Variants in KIF5C observed in about 807,000 individuals in gnomAD.
The protein encoded by KIF5C is kinesin heavy chain isoform 5C.
Under a neutral mutation model 125.2 loss-of-function variants are expected in KIF5C, and 18 were observed. That is an observed-to-expected ratio of 0.14 (90% CI 0.10 to 0.21). The LOEUF is 0.21. Among genes scored for constraint, KIF5C ranks in the 10% least tolerant of loss-of-function variants. The pLI, the probability that KIF5C is intolerant of heterozygous loss-of-function variation, is 1.00. For synonymous variants in KIF5C, 405 were observed against 434.0 expected (o/e 0.93, Z 0.83); for missense variants, 780 against 1,183.8 (o/e 0.66, Z 5.01).
At chr2:148,969,422 AGTGTGTGTGTGT>A (rs151238332) in intron 11 of KIF5C, among the ~76,000 whole-genome samples, 3,036 of 141,368 alleles carry the variant, frequency 0.021, 93 homozygotes, top group African/African-American at 0.069. Flanking sequence ...GAAGGTTTCC[AGTGTGTGTGTGT>A]GTGTGTGTGT....
chr2:148,983,138 T>C (rs1458387073), intron 14 of KIF5C, among the ~76,000 whole-genome samples: 1 of 152,186 alleles, frequency 6.6e-6, no homozygotes, highest in Admixed American at 6.5e-5. Flanking sequence ...TCTAAACTTA[T>C]TAATGTTCTT....
At position 148,924,064 on chromosome 2, in the gene KIF5C, C is replaced by T. The variant is rs1681896269; in HGVS notation, c.217+1837C>T. On this transcript the variant is annotated intron_variant, in intron 2 of 25. Transcript: ENST00000435030. This position sits in a 1 kb window ranked among gnomAD's most constrained non-coding sequence, Gnocchi z 4.0. ...AATATGTATGATCATACATACATGC[C>T]TTATTCTCCCTTAAAAAGGAATTGA... Among the ~76,000 whole-genome samples the T allele has an allele frequency of 6.6e-6, 1 of 152,150 alleles. No individual in the cohort carries two copies. The highest frequency in any genetic ancestry group is 2.4e-5 in the African/African-American group (1 of 41,428).
At chr2:148,966,603 C>T (rs1208002458) in intron 11 of KIF5C, among the ~76,000 whole-genome samples, 1 of 152,104 alleles carries the variant, frequency 6.6e-6, no homozygotes, top group African/African-American at 2.4e-5. Flanking sequence ...GTTGCTCTCG[C>T]CCTCCCCCAC....
intron 3 of KIF5C, among the ~76,000 whole-genome samples, chr2:148,937,033 A>C (rs1312212771): frequency 6.6e-6 from 1 of 152,164 alleles, no homozygotes; most frequent in Non-Finnish European, 1.5e-5. Flanking sequence ...AGCTGGAGGC[A>C]ATAATGTGGG....
Position 149,023,419 on chromosome 2 carries a change from C to G in KIF5C, c.*349C>G, listed in dbSNP as rs1413007578. On this transcript the variant is annotated 3_prime_UTR_variant, in exon 26 of 26. Transcript: ENST00000435030. ...ATCTGTACGCCCTAATGTGCCATTC[C>G]CTAGAGGGGAACAACCAAGTGCCGT... is the stretch of plus-strand genomic sequence containing the variant. 6.6e-6 allele frequency: 1 copy of G among 152,544 alleles called. No homozygotes were observed. The highest frequency in any genetic ancestry group is 1.5e-5 in the Non-Finnish European group (1 of 68,030). The allele number at this position is 152,544 out of a possible 1,614,324, so 9.4% of individuals were successfully genotyped here.
At chr2:148,996,022 G>T (rs902812162) in intron 17 of KIF5C, among the ~76,000 whole-genome samples, 1 of 152,148 alleles carries the variant, frequency 6.6e-6, no homozygotes, top group African/African-American at 2.4e-5. Flanking sequence ...GGGTGTGGTG[G>T]CACACGCCTG....
At chr2:148,923,539 TTC>T (rs1467562766) in intron 2 of KIF5C, among the ~76,000 whole-genome samples, 1 of 152,180 alleles carries the variant, frequency 6.6e-6, no homozygotes, top group African/African-American at 2.4e-5. Flanking sequence ...TAAACATGTT[TTC>T]TCTGTTTTTG....
rs1558866671 is a variant in KIF5C at position 148,875,591 on chromosome 2, C to G, written c.-27C>G. On this transcript the variant is annotated 5_prime_UTR_variant, in exon 1 of 26. Transcript: ENST00000435030. ...CCGGCCCCGGCCCCCCACCCATCCC[C>G]GTGCCCCCTCCCTACCGCCGGCCGA... 6.5e-6 allele frequency: 9 copies of G among 1,385,734 alleles called. No individual in the cohort carries two copies. Among genetic ancestry groups the G allele is most frequent in the Non-Finnish European group, 5.0e-6 (5 of 1,005,442 alleles). The allele number at this position is 1,385,734 out of a possible 1,614,324, so 85.8% of individuals were successfully genotyped here. A position where few individuals can be genotyped will look rare whatever the true frequency, so the allele number is the denominator to read the frequency against.
At chr2:149,006,687 G>A (rs1258231732) in intron 22 of KIF5C, among the ~76,000 whole-genome samples, 1 of 152,228 alleles carries the variant, frequency 6.6e-6, no homozygotes, top group East Asian at 1.9e-4. Context: ...GGCAGAAAAT[G>A]ATGGGCAATT....
At chr2:148,896,143 T>C (rs1180636101) in intron 1 of KIF5C, among the ~76,000 whole-genome samples, 2 of 152,170 alleles carry the variant, frequency 1.3e-5, no homozygotes, top group East Asian at 1.9e-4. Context: ...ATGTGAGAAC[T>C]CAGACCCATC....
intron 4 of KIF5C, among the ~76,000 whole-genome samples, chr2:148,940,936 T>C (rs1682394130): frequency 6.6e-6 from 1 of 152,184 alleles, no homozygotes; most frequent in South Asian, 2.1e-4. Context: ...TTATCTGGGA[T>C]TCGGATTCAG....
intron 17 of KIF5C, among the ~76,000 whole-genome samples, chr2:148,996,601 G>T (rs2105180286): frequency 6.6e-6 from 1 of 152,346 alleles, no homozygotes; most frequent in African/African-American, 2.4e-5. Context: ...AGCTGGGGCT[G>T]CCCATTGCAC....
chr2:148,958,827 CA>C (rs1184509273), intron 10 of KIF5C, among the ~76,000 whole-genome samples: 1 of 151,290 alleles, frequency 6.6e-6, no homozygotes, highest in Non-Finnish European at 1.5e-5. Context: ...ACTAAAAATA[CA>C]AAAAAATTAG....
intron 15 of KIF5C, among the ~76,000 whole-genome samples, chr2:148,988,971 T>C (rs890579945): frequency 1.3e-5 from 2 of 152,222 alleles, no homozygotes; most frequent in South Asian, 4.1e-4. Flanking sequence ...AATTTTTAAT[T>C]TTTATTTCAG....
chr2:148,950,084 C>A, intron 9 of KIF5C, 141 bp downstream of exon 9: 1 of 1,376,376 alleles, frequency 7.3e-7, no homozygotes, highest in Non-Finnish European at 9.6e-7. Context: ...GCTATGGATG[C>A]CTGCTTGCTG....
intron 25 of KIF5C, among the ~76,000 whole-genome samples, chr2:149,017,460 T>TA (rs1199341336): frequency 2.6e-5 from 4 of 152,164 alleles, no homozygotes; most frequent in African/African-American, 9.7e-5. Flanking sequence ...GCCCCACACT[T>TA]AATGTAGACA....
Position 148,950,528 on chromosome 2 carries a change from G to C in KIF5C, c.968+66G>C. 7 of 1,537,016 alleles carry C rather than the reference G, an allele frequency of 4.6e-6. No homozygotes were observed. In the Admixed American group the frequency reaches 9.5e-5, roughly 21 times the overall value. On this transcript the variant is annotated intron_variant, in intron 10 of 25. Transcript: ENST00000435030. ...TTGGGTCTTAAGAGTGAATGGCAAG[G>C]CTGGGTGCAATGGCTCACACCTGTA...
chr2:148,949,801 G>A (rs768151799), intron 8 of KIF5C, 38 bp from the exon 9 acceptor site: 84 of 1,606,944 alleles, frequency 5.2e-5, no homozygotes, highest in South Asian at 1.8e-4. Flanking sequence ...TGCTTCTGCC[G>A]TCCTGTGCTG....
intron 1 of KIF5C, among the ~76,000 whole-genome samples, chr2:148,894,703 A>AATAT (rs147057942): frequency 2.0e-4 from 30 of 147,514 alleles, no homozygotes; most frequent in African/African-American, 5.4e-4. Context: ...AGTTTAGTAC[A>AATAT]ATATATATAT....
Sources: gnomAD v4.1 joint callset for allele counts (sites outside exome capture counted in the v4.1 genomes callset) on GRCh38, gnomAD v4.1.1 for gene constraint, Gnocchi (gnomAD v3.1) non-coding constraint, MANE v1.5 for transcripts, NCBI Gene and HGNC (gene_info 2026-07-23, HGNC 2026-07-21) for gene names.